Variants in LHX4 observed in about 807,000 individuals in gnomAD.
The protein encoded by LHX4 is LIM homeobox 4.
LHX4 carries 16 observed loss-of-function variants against 39.2 expected under a neutral mutation model. The ratio of observed to expected loss-of-function variants is 0.41; its 90% CI spans 0.28 to 0.62. The LOEUF is 0.62. Ranked by LOEUF, LHX4 falls within the 20% of genes least tolerant of loss-of-function variation. The probability of loss-of-function intolerance (pLI) is 0.33; values close to 1 mark genes in which losing one functional copy is unlikely to be tolerated. For synonymous variants in LHX4, 206 were observed against 198.1 expected (o/e 1.04, Z -0.33); for missense variants, 439 against 511.9 (o/e 0.86, Z 1.37).
Position 180,274,331 on chromosome 1 carries a change from G to A in LHX4, c.925G>A (p.Gly309Arg). 3 of 1,614,198 alleles carry A rather than the reference G, an allele frequency of 1.9e-6. No individual in the cohort carries two copies. Among genetic ancestry groups the A allele is most frequent in the Non-Finnish European group, 2.5e-6 (3 of 1,180,048 alleles). Residue 309 changes from glycine (G) to arginine (R), a missense_variant, in exon 6 of 6, where the codon GGA (glycine) becomes AGA (arginine). Coordinates refer to ENST00000263726, the MANE Select transcript of LHX4 (RefSeq NM_033343.4). ...YQDLRDGSPY[G>R]IPQSPSSISS... Reference sequence around the variant, plus strand: ...GGACTTGAGGGATGGGAGCCCCTATGGAATCCCCCAGTCTCCATCCTCCAT... The same window carrying A: ...GGACTTGAGGGATGGGAGCCCCTATAGAATCCCCCAGTCTCCATCCTCCAT...
intron 2 of LHX4, among the ~76,000 whole-genome samples, chr1:180,254,478 C>T (rs1647762999): frequency 6.6e-6 from 1 of 152,238 alleles, no homozygotes. Context: ...GAGCTGCTCC[C>T]ATTTATCTCC....
intron 2 of LHX4, 159 bp downstream of exon 2, chr1:180,248,615 C>A: frequency 1.3e-6 from 1 of 763,072 alleles, no homozygotes; most frequent in Non-Finnish European, 2.2e-6. Flanking sequence ...TTGTTGAGGT[C>A]CCCCTTCTGA....
At chr1:180,267,074 T>C (rs1648349006) in intron 3 of LHX4, among the ~76,000 whole-genome samples, 5 of 152,304 alleles carry the variant, frequency 3.3e-5, no homozygotes, top group Admixed American at 3.3e-4. Context: ...CATACATCTG[T>C]CTGTTAATTG....
At chr1:180,243,134 A>G (rs1664477123) in intron 1 of LHX4, among the ~76,000 whole-genome samples, 1 of 152,094 alleles carries the variant, frequency 6.6e-6, no homozygotes, top group Non-Finnish European at 1.5e-5. Flanking sequence ...GATTATAGGC[A>G]TGCACCACCA....
intron 2 of LHX4, among the ~76,000 whole-genome samples, chr1:180,254,976 G>T (rs1647783766): frequency 6.6e-6 from 1 of 152,216 alleles, no homozygotes; most frequent in Non-Finnish European, 1.5e-5. Flanking sequence ...CTGTGTCAGT[G>T]GTAGTGGTGG....
chr1:180,255,971 T>C (rs28433976), intron 2 of LHX4, among the ~76,000 whole-genome samples: 1 of 152,214 alleles, frequency 6.6e-6, no homozygotes, highest in East Asian at 1.9e-4. Flanking sequence ...TGGGCAGCCC[T>C]CTTTTGGCCC....
Position 180,278,795 on chromosome 1 carries a change from A to G in LHX4, c.*4216A>G, listed in dbSNP as rs1479345275. The G allele has an allele frequency of 2.7e-5, 4 of 147,434 alleles. No homozygotes were observed. Among genetic ancestry groups the G allele is most frequent in the Non-Finnish European group, 6.1e-5 (4 of 65,222 alleles). The allele number at this position is 147,434 out of a possible 1,614,324, so 9.1% of individuals were successfully genotyped here. A position where few individuals can be genotyped will look rare whatever the true frequency, so the allele number is the denominator to read the frequency against. On this transcript the variant is annotated 3_prime_UTR_variant, in exon 6 of 6. Transcript: ENST00000263726. ...CACAATGTAAATTTTGTACAGTTAA[A>G]GAGAAATGAAGTCTCGTTTCCTGGG... is the stretch of plus-strand genomic sequence containing the variant.
At chr1:180,262,450 C>T (rs1648147139) in intron 2 of LHX4, among the ~76,000 whole-genome samples, 1 of 152,086 alleles carries the variant, frequency 6.6e-6, no homozygotes, top group Non-Finnish European at 1.5e-5. Flanking sequence ...AGACTAGAAC[C>T]TCCACTGCAG....
Position 180,271,360 on chromosome 1 carries a change from G to A in LHX4, c.452-20G>A, listed in dbSNP as rs1321561600. On this transcript the variant is annotated intron_variant, in intron 3 of 5. Coordinates refer to ENST00000263726, the MANE Select transcript of LHX4 (RefSeq NM_033343.4). ...GCTGCAGATAGGCCGAAGCCAGTAAGCAGTGGTTTTTCCTTGCAGATGACT... is the reference window on the plus strand; with the variant it reads ...GCTGCAGATAGGCCGAAGCCAGTAAACAGTGGTTTTTCCTTGCAGATGACT... The A allele has an allele frequency of 6.2e-7, 1 of 1,614,136 alleles. No homozygotes were observed. Among genetic ancestry groups the A allele is most frequent in the Non-Finnish European group, 8.5e-7 (1 of 1,179,990 alleles).
chr1:180,229,876 C>G (rs1664122705), upstream of LHX4, among the ~76,000 whole-genome samples: 1 of 151,204 alleles, frequency 6.6e-6, no homozygotes. Flanking sequence ...CGTCTCCGAC[C>G]ACCTGCTGCC....
At chr1:180,252,211 G>T (rs79008224) in intron 2 of LHX4, among the ~76,000 whole-genome samples, 9,756 of 152,250 alleles carry the variant, frequency 0.064, 361 homozygotes, top group Middle Eastern at 0.078. Flanking sequence ...GCACATGGGG[G>T]CACACACACA....
chr1:180,243,987 T>A lies in LHX4; in HGVS notation c.77-4298T>A, dbSNP rs545425542. ...TTCAGGAAAGCAGCAGCACAGTCTATTGGTTGGAATTCTGGCTCCCCCACC... is the reference window on the plus strand; with the variant it reads ...TTCAGGAAAGCAGCAGCACAGTCTAATGGTTGGAATTCTGGCTCCCCCACC... On this transcript the variant is annotated intron_variant, in intron 1 of 5. Coordinates refer to ENST00000263726, the MANE Select transcript of LHX4 (RefSeq NM_033343.4). Among the ~76,000 whole-genome samples the A allele has an allele frequency of 8.5e-4, 129 of 152,316 alleles. No individual in the cohort carries two copies. In the Middle Eastern group the frequency reaches 0.01, roughly 12 times the overall value.
At chr1:180,249,610 TGGGGGTTGA>T (rs1372873550) in intron 2 of LHX4, among the ~76,000 whole-genome samples, 2 of 152,218 alleles carry the variant, frequency 1.3e-5, no homozygotes, top group Admixed American at 1.3e-4. Context: ...ATTCGGAAGA[TGGGGGTTGA>T]GGGGGAGTAA....
intron 2 of LHX4, among the ~76,000 whole-genome samples, chr1:180,251,696 G>T (rs1311175707): frequency 6.6e-6 from 1 of 152,150 alleles, no homozygotes; most frequent in Admixed American, 6.5e-5. Flanking sequence ...GAGTGAGGGA[G>T]GCCCAGGCTG....
chr1:180,277,554 A>C lies in LHX4; in HGVS notation c.*2975A>C, dbSNP rs1159220311. 2 of 152,160 alleles carry C rather than the reference A, an allele frequency of 1.3e-5. No homozygotes were observed. Among genetic ancestry groups the C allele is most frequent in the Non-Finnish European group, 2.9e-5 (2 of 68,030 alleles). 9.4% of individuals were successfully genotyped at this position (152,160 alleles called of 1,614,324 possible). A position where few individuals can be genotyped will look rare whatever the true frequency, so the allele number is the denominator to read the frequency against. Reference sequence around the variant, plus strand: ...CAAAATGGAAACTGAGGGGCTATGGAGGAATCTCTGTTTGTTGGAACGTAA... The same window carrying C: ...CAAAATGGAAACTGAGGGGCTATGGCGGAATCTCTGTTTGTTGGAACGTAA... On this transcript the variant is annotated 3_prime_UTR_variant, in exon 6 of 6. Transcript: ENST00000263726.
chr1:180,267,293 G>A (rs1437129806), intron 3 of LHX4, among the ~76,000 whole-genome samples: 1 of 152,256 alleles, frequency 6.6e-6, no homozygotes, highest in Non-Finnish European at 1.5e-5. Flanking sequence ...GCCCACGGTG[G>A]CAGCAGGAGC....
In LHX4 at chr1:180,247,270, C is replaced by G. The variant is rs754595351; in HGVS notation, c.77-1015C>G. On this transcript the variant is annotated intron_variant, in intron 1 of 5. Coordinates refer to ENST00000263726, the MANE Select transcript of LHX4 (RefSeq NM_033343.4). Reference sequence around the variant, plus strand: ...ATAGGAAGTCACCCAGGACAGGAACCGGATGGGGCAGTGGTTAGGGTTCTG... The same window carrying G: ...ATAGGAAGTCACCCAGGACAGGAACGGGATGGGGCAGTGGTTAGGGTTCTG... Among the ~76,000 whole-genome samples the G allele has an allele frequency of 2.6e-5, 4 of 152,110 alleles. No individual in the cohort carries two copies. The South Asian group carries it at 8.3e-4, about 32-fold the overall frequency.
Position 180,248,403 on chromosome 1 carries a change from G to A in LHX4, c.195G>A (p.Ala65=), listed in dbSNP as rs143798020. The A allele has an allele frequency of 2.6e-5, 42 of 1,614,206 alleles. No homozygotes were observed. The highest frequency in any genetic ancestry group is 2.5e-4 in the Admixed American group (15 of 60,026). The part of the protein sequence containing the change: ...LKCADCQMQL[A]DRCFSRAGSV... ...GTGCAGACTGCCAGATGCAGCTGGC[G>A]GACAGGTGCTTCTCCAGGGCTGGGA... Residue 65 remains alanine (A), a synonymous_variant, in exon 2 of 6, where the codon GCG becomes GCA. Transcript: ENST00000263726.
chr1:180,232,809 C>A lies in LHX4; in HGVS notation c.76+2204C>A, dbSNP rs1185896178. Among the ~76,000 whole-genome samples the A allele has an allele frequency of 6.6e-6, 1 of 152,208 alleles. No individual in the cohort carries two copies. Among genetic ancestry groups the A allele is most frequent in the African/African-American group, 2.4e-5 (1 of 41,442 alleles). The stretch of plus-strand genomic sequence containing the variant: ...TACACAACTATTAGTTTTCTTGGGA[C>A]TGGGCCCAGTGGCCTAAGAAGGGGG... On this transcript the variant is annotated intron_variant, in intron 1 of 5. Transcript: ENST00000263726. The surrounding 1 kb of genome is among the most constrained non-coding windows in gnomAD (Gnocchi z 5.4).
Sources: gnomAD v4.1 joint callset for allele counts (sites outside exome capture counted in the v4.1 genomes callset) on GRCh38, gnomAD v4.1.1 for gene constraint, Gnocchi (gnomAD v3.1) non-coding constraint, MANE v1.5 for transcripts, NCBI Gene and HGNC (gene_info 2026-07-23, HGNC 2026-07-21) for gene names.